DCP2: variants seen among roughly 807,000 people sequenced by gnomAD.
The protein encoded by DCP2 is m7GpppN-mRNA hydrolase.
A neutral mutation model predicts 56.1 loss-of-function variants in DCP2; 30 were observed. The ratio of observed to expected loss-of-function variants is 0.53; its 90% CI spans 0.40 to 0.73. The LOEUF (loss-of-function observed/expected upper bound fraction) is 0.73, where lower values mean the gene tolerates loss of function less well. DCP2 is among the 30% of genes least tolerant of loss of function. DCP2 has a pLI of 0.00. For synonymous variants in DCP2, 197 were observed against 163.3 expected (o/e 1.21, Z -1.57); for missense variants, 533 against 502.7 (o/e 1.06, Z -0.58).
At chr5:113,001,713 G>C in intron 7 of DCP2, 39 bp downstream of exon 7, 1 of 1,559,160 alleles carries the variant, frequency 6.4e-7, no homozygotes, top group Non-Finnish European at 8.8e-7. Context: ...TTTTCTAATA[G>C]TTTTTAAAAG....
At chr5:112,984,812 C>T (rs1748195964) in intron 1 of DCP2, among the ~76,000 whole-genome samples, 2 of 116,816 alleles carry the variant, frequency 1.7e-5, no homozygotes, top group Non-Finnish European at 3.5e-5. Context: ...TCAAGTGATC[C>T]TCCTGCCTTA....
intron 2 of DCP2, among the ~76,000 whole-genome samples, chr5:112,988,220 T>G (rs11959936): frequency 1.1e-4 from 17 of 151,634 alleles, no homozygotes; most frequent in Middle Eastern, 3.4e-3. Context: ...CGGTGGCTCA[T>G]GCCTGTAATC....
intron 8 of DCP2, among the ~76,000 whole-genome samples, chr5:113,007,374 A>G (rs1175761115): frequency 7.6e-6 from 1 of 131,330 alleles, no homozygotes; most frequent in Non-Finnish European, 1.6e-5. Flanking sequence ...AGGTGTGGAA[A>G]GATTTCTTTC....
At chr5:113,001,276 C>G in intron 5 of DCP2, 40 bp downstream of exon 5, 1 of 1,600,630 alleles carries the variant, frequency 6.2e-7, no homozygotes, top group Non-Finnish European at 8.5e-7. Context: ...GGACAGTATC[C>G]CAAATGAATA....
chr5:113,001,262 T>A, intron 5 of DCP2, 26 bp downstream of exon 5: 1 of 1,608,220 alleles, frequency 6.2e-7, no homozygotes, highest in Non-Finnish European at 8.5e-7. Context: ...ATTTTCAGGT[T>A]ACTGGACAGT....
intron 1 of DCP2, among the ~76,000 whole-genome samples, chr5:112,979,917 G>C (rs1182312673): frequency 1.3e-5 from 2 of 152,138 alleles, no homozygotes; most frequent in Non-Finnish European, 2.9e-5. Context: ...TGGGGAAGGG[G>C]TATATGTATT....
At chr5:112,989,109 A>C (rs192445057) in intron 2 of DCP2, among the ~76,000 whole-genome samples, 4 of 152,362 alleles carry the variant, frequency 2.6e-5, no homozygotes, top group Admixed American at 2.6e-4. Context: ...CAAGAAGATG[A>C]GAAAAGACAG....
At chr5:113,007,609 C>T (rs1202082505) in intron 8 of DCP2, among the ~76,000 whole-genome samples, 2 of 151,908 alleles carry the variant, frequency 1.3e-5, no homozygotes, top group Non-Finnish European at 2.9e-5. Flanking sequence ...GCTGTGTTAG[C>T]CAGGATGGTC....
chr5:112,980,304 A>C (rs1339671650), intron 1 of DCP2, among the ~76,000 whole-genome samples: 1 of 152,258 alleles, frequency 6.6e-6, no homozygotes, highest in African/African-American at 2.4e-5. Context: ...TGTTAAAAGA[A>C]GAAAGGTATT....
At chr5:112,990,511 A>G (rs544377317) in intron 2 of DCP2, among the ~76,000 whole-genome samples, 3 of 152,296 alleles carry the variant, frequency 2.0e-5, no homozygotes, top group South Asian at 4.1e-4. Context: ...ATAGAGCTTC[A>G]TGGAATGGTT....
intron 1 of DCP2, 99 bp downstream of exon 1, chr5:112,977,085 C>T (rs866950370): frequency 3.4e-6 from 3 of 887,428 alleles, no homozygotes; most frequent in Middle Eastern, 2.5e-4. Flanking sequence ...ACGTCCATGT[C>T]CTCGCTTTCC....
At chr5:112,998,578 C>T (rs1017209675) in intron 4 of DCP2, among the ~76,000 whole-genome samples, 5 of 152,140 alleles carry the variant, frequency 3.3e-5, no homozygotes, top group Admixed American at 6.5e-5. Context: ...TTACTAAGCA[C>T]AAAGTACATA....
intron 4 of DCP2, among the ~76,000 whole-genome samples, chr5:112,995,311 G>A (rs1748797496): frequency 1.3e-5 from 2 of 152,132 alleles, no homozygotes; most frequent in Non-Finnish European, 2.9e-5. Context: ...TTCTGTAGAT[G>A]GTAGGAAATG....
intron 1 of DCP2, among the ~76,000 whole-genome samples, chr5:112,977,282 G>A (rs948043396): frequency 2.6e-5 from 4 of 152,136 alleles, no homozygotes; most frequent in African/African-American, 9.7e-5. Flanking sequence ...GCCGGAGCCT[G>A]GGTCTTAGCG....
chr5:112,976,835 C>A lies in DCP2; in HGVS notation c.-99C>A. On this transcript the variant is annotated 5_prime_UTR_variant, in exon 1 of 11. Coordinates refer to ENST00000389063, the MANE Select transcript of DCP2 (RefSeq NM_152624.6). ...GGAGTCGTCTCTGCCGCGGCTTCCT[C>A]GGCTGCCAGCTCTCCGGCGAGCCGG... The A allele has an allele frequency of 7.6e-7, 1 of 1,307,694 alleles. No homozygotes were observed. Among genetic ancestry groups the A allele is most frequent in the Non-Finnish European group, 1.1e-6 (1 of 900,632 alleles). 81.0% of individuals were successfully genotyped at this position (1,307,694 alleles called of 1,614,324 possible). A position where few individuals can be genotyped will look rare whatever the true frequency, so the allele number is the denominator to read the frequency against.
intron 7 of DCP2, 60 bp downstream of exon 7, chr5:113,001,734 G>C (rs1749190095): frequency 6.7e-7 from 1 of 1,485,910 alleles, no homozygotes; most frequent in Admixed American, 1.7e-5. Flanking sequence ...TGGAATAATA[G>C]TATTTTGCTT....
At chr5:112,980,679 A>G (rs183825579) in intron 1 of DCP2, among the ~76,000 whole-genome samples, 2 of 152,328 alleles carry the variant, frequency 1.3e-5, no homozygotes, top group South Asian at 2.1e-4. Context: ...ACTTTTTACT[A>G]TTAAAAATAT....
At position 113,019,348 on chromosome 5, in the gene DCP2, A is replaced by T. The variant is rs1301146829; in HGVS notation, c.*5864A>T. ...TTGGAATATATAACAGTAGACTTGT[A>T]TTCTTTATGCACTATACATATGATA... On this transcript the variant is annotated 3_prime_UTR_variant, in exon 11 of 11. Coordinates refer to ENST00000389063, the MANE Select transcript of DCP2 (RefSeq NM_152624.6). 6.6e-6 allele frequency: 1 copy of T among 152,214 alleles called. No homozygotes were observed. Among genetic ancestry groups the T allele is most frequent in the Admixed American group, 6.5e-5 (1 of 15,282 alleles). 9.4% of individuals were successfully genotyped at this position (152,214 alleles called of 1,614,324 possible).
chr5:113,004,118 C>T, intron 8 of DCP2, 41 bp downstream of exon 8: 1 of 1,589,906 alleles, frequency 6.3e-7, no homozygotes, highest in East Asian at 2.2e-5. Context: ...AAATTTAGAT[C>T]ATTTGGCTTT....
Sources: allele counts gnomAD v4.1 joint callset (sites outside exome capture counted in the v4.1 genomes callset), GRCh38; gene constraint gnomAD v4.1.1; transcripts MANE v1.5; gene names NCBI Gene and HGNC (gene_info 2026-07-23, HGNC 2026-07-21).